Variants in MAX observed in about 807,000 individuals in gnomAD.
MAX encodes MYC associated transcriptional regulator X.
Under a neutral mutation model 22.3 loss-of-function variants are expected in MAX, and 3 were observed. The observed-to-expected ratio is 0.13, with a 90% CI of 0.06 to 0.35. The LOEUF (loss-of-function observed/expected upper bound fraction) is 0.35, where lower values mean the gene tolerates loss of function less well. Ranked by LOEUF, MAX falls within the 10% of genes least tolerant of loss-of-function variation. The pLI, the probability that MAX is intolerant of heterozygous loss-of-function variation, is 1.00. For synonymous variants in MAX, 72 were observed against 77.7 expected (o/e 0.93, Z 0.39); for missense variants, 119 against 209.4 (o/e 0.57, Z 2.66).
In MAX at chr14:65,062,258, CCTTAA is replaced by C. The variant is rs1312660021; in HGVS notation, c.171+31445_171+31449del. 4 of 152,408 alleles carry C rather than the reference CCTTAA, an allele frequency of 2.6e-5. No homozygotes were observed. In the South Asian group the frequency reaches 6.2e-4, roughly 24 times the overall value. 9.4% of individuals were successfully genotyped at this position (152,408 alleles called of 1,614,324 possible). A position where few individuals can be genotyped will look rare whatever the true frequency, so the allele number is the denominator to read the frequency against. On this transcript the variant is annotated intron_variant, in intron 3 of 3. Transcript: ENST00000341653. This position sits in a 1 kb window ranked among gnomAD's most constrained non-coding sequence, Gnocchi z 4.3. ...AGTATTAACACTACTAAGTCTTTCA[CCTTAA>C]CTTATGACTCAGGATTTATTCACGT...
At position 65,027,506 on chromosome 14, in the gene MAX, G is replaced by T; in HGVS notation, c.172-21222C>A. The stretch of plus-strand genomic sequence containing the variant: ...AGCCCAGAAGGTGGCTTTGGAGGAG[G>T]ACCCGGTCAGTATCCACACCTTGCA... On this transcript the variant is annotated intron_variant, in intron 3 of 3. Transcript: ENST00000341653. This position sits in a 1 kb window ranked among gnomAD's most constrained non-coding sequence, Gnocchi z 5.7. 6.2e-7 allele frequency: 1 copy of T among 1,614,178 alleles called. No homozygotes were observed. Among genetic ancestry groups the T allele is most frequent in the Non-Finnish European group, 8.5e-7 (1 of 1,180,036 alleles).
chr14:65,102,612 T>C (rs2063885018), upstream of MAX: 2 of 1,320,882 alleles, frequency 1.5e-6, no homozygotes, highest in Non-Finnish European at 1.9e-6. Flanking sequence ...GTAGTTCTTG[T>C]CCCTCTAACA....
chr14:65,038,809 T>G (rs74860918), intron 3 of MAX, among the ~76,000 whole-genome samples: 1 of 152,210 alleles, frequency 6.6e-6, no homozygotes, highest in Non-Finnish European at 1.5e-5. Flanking sequence ...ATTCTCTTAG[T>G]ATTTATCTTC....
rs2062687510 is a variant in MAX at position 65,054,608 on chromosome 14, G to A, written c.171+39100C>T. ...ATTTCTACCACACCTGCTACTGCCT[G>A]AGCGGCCTGTCCATAGCCCAGCACT... On this transcript the variant is annotated intron_variant, in intron 3 of 3. Coordinates refer to the MAX transcript ENST00000341653. The surrounding 1 kb of genome is among the most constrained non-coding windows in gnomAD (Gnocchi z 4.4). 2 of 1,613,810 alleles carry A rather than the reference G, an allele frequency of 1.2e-6. No homozygotes were observed. Among genetic ancestry groups the A allele is most frequent in the South Asian group, 1.1e-5 (1 of 90,958 alleles).
chr14:65,037,354 C>T (rs1289980307), intron 3 of MAX, among the ~76,000 whole-genome samples: 11 of 138,782 alleles, frequency 7.9e-5, no homozygotes, highest in East Asian at 2.2e-4. Context: ...TCGCCTGCCT[C>T]GGCCTCCCAA....
Position 65,084,126 on chromosome 14 carries a change from C to T in MAX, c.172-6090G>A. ...GGCAGAGCTATCAGCCCTCAAGCAG[C>T]TTAATTAAAGCCAGGAGTAAGACAT... On this transcript the variant is annotated intron_variant, in intron 3 of 4. Transcript: ENST00000358664. The surrounding 1 kb of genome is among the most constrained non-coding windows in gnomAD (Gnocchi z 4.3). 2 of 1,608,298 alleles carry T rather than the reference C, an allele frequency of 1.2e-6. No homozygotes were observed. Among genetic ancestry groups the T allele is most frequent in the South Asian group, 1.1e-5 (1 of 90,630 alleles).
chr14:65,101,387 C>A (rs2063826871), intron 2 of MAX, among the ~76,000 whole-genome samples, 159 bp downstream of exon 2: 1 of 151,980 alleles, frequency 6.6e-6, no homozygotes, highest in Non-Finnish European at 1.5e-5. Flanking sequence ...GATTTGCAAC[C>A]CCCCCACCCT....
chr14:65,071,145 CA>C (rs144245221), downstream of MAX, among the ~76,000 whole-genome samples: 3,259 of 151,950 alleles, frequency 0.021, 103 homozygotes, highest in African/African-American at 0.074. The surrounding 1 kb of genome is among the most constrained non-coding windows in gnomAD (Gnocchi z 4.2). Context: ...ATTCACTCCA[CA>C]TTTTTTTTTT....
chr14:65,070,630 C>T (rs574959511), downstream of MAX, among the ~76,000 whole-genome samples: 2 of 152,326 alleles, frequency 1.3e-5, no homozygotes, highest in South Asian at 2.1e-4. This position sits in a 1 kb window ranked among gnomAD's most constrained non-coding sequence, Gnocchi z 4.4. Context: ...GTTGTGTGTG[C>T]GAGCGTGCAC....
chr14:65,015,928 C>G (rs2061765361), intron 3 of MAX, among the ~76,000 whole-genome samples: 1 of 152,186 alleles, frequency 6.6e-6, no homozygotes, highest in Non-Finnish European at 1.5e-5. Flanking sequence ...TTTGAACTTC[C>G]AAGAGAAGGA....
chr14:65,077,890 G>A lies in MAX; in HGVS notation c.295+23C>T. On this transcript the variant is annotated intron_variant, in intron 4 of 4. Coordinates refer to ENST00000358664, the MANE Select transcript of MAX (RefSeq NM_002382.5). This position sits in a 1 kb window ranked among gnomAD's most constrained non-coding sequence, Gnocchi z 6.3. The stretch of plus-strand genomic sequence containing the variant: ...TGGCTGGAGCACAGCAGGGCCAGCT[G>A]CCCCACGAGCTCGGGTGCTCACCTT... The A allele has an allele frequency of 2.5e-6, 4 of 1,614,226 alleles. No homozygotes were observed. Among genetic ancestry groups the A allele is most frequent in the Non-Finnish European group, 3.4e-6 (4 of 1,180,032 alleles).
rs760147253 is a variant in MAX, at chr14:65,076,534, G to C, written c.425C>G (p.Ser142Trp). ...TTGGGGCTCTTCAGGCTCAGACTCC[G>C]AGCTGGAGTCCGAGCCCCCATCGAA... is the stretch of plus-strand genomic sequence containing the variant. ...SAFDGGSDSS[S>W]ESEPEEPQSR... The change falls in exon 5 of 5, where the codon TCG becomes TGG. Residue 142 changes from serine (S) to tryptophan (W), a missense_variant. Ser to Trp is a radical substitution (Grantham distance 177). Coordinates refer to ENST00000358664, the MANE Select transcript of MAX (RefSeq NM_002382.5). This position sits in a 1 kb window ranked among gnomAD's most constrained non-coding sequence, Gnocchi z 6.6. 1 of 1,614,004 alleles carries C rather than the reference G, an allele frequency of 6.2e-7. No homozygotes were observed. Among genetic ancestry groups the C allele is most frequent in the South Asian group, 1.1e-5 (1 of 91,062 alleles).
rs2063585535 is a variant in MAX, at chr14:65,093,920, G to T, written c.64-105C>A. 2.6e-6 allele frequency: 2 copies of T among 767,922 alleles called. No individual in the cohort carries two copies. The highest frequency in any genetic ancestry group is 4.8e-6 in the Non-Finnish European group (2 of 419,132). 47.6% of individuals were successfully genotyped at this position (767,922 alleles called of 1,614,324 possible). ...GTACACGCTGTCAGCACTGTCCCTGGCGAGTGGACTGGGAAGGATTTCTCG... is the reference window on the plus strand; with the variant it reads ...GTACACGCTGTCAGCACTGTCCCTGTCGAGTGGACTGGGAAGGATTTCTCG... On this transcript the variant is annotated intron_variant, in intron 2 of 4. Coordinates refer to ENST00000358664, the MANE Select transcript of MAX (RefSeq NM_002382.5). The surrounding 1 kb of genome is among the most constrained non-coding windows in gnomAD (Gnocchi z 4.4).
downstream of MAX, among the ~76,000 whole-genome samples, chr14:65,074,626 G>A (rs1258799611): frequency 2.0e-5 from 3 of 152,230 alleles, no homozygotes; most frequent in East Asian, 5.8e-4. Context: ...AACAAGTTCA[G>A]GCTGGTGTTG....
In MAX at chr14:65,027,265, A is replaced by C; in HGVS notation, c.172-20981T>G. On this transcript the variant is annotated intron_variant, in intron 3 of 3. Coordinates refer to the MAX transcript ENST00000341653. The surrounding 1 kb of genome is among the most constrained non-coding windows in gnomAD (Gnocchi z 5.7). ...CGAAACTCAGAGGAGGGCAGACAGA[A>C]ATGATGATAGCTGGAGAGAGAATTA... The C allele has an allele frequency of 1.1e-6, 1 of 886,986 alleles. No individual in the cohort carries two copies. Among genetic ancestry groups the C allele is most frequent in the Non-Finnish European group, 1.7e-6 (1 of 596,650 alleles). 54.9% of individuals were successfully genotyped at this position (886,986 alleles called of 1,614,324 possible).
At chr14:65,061,524 C>A in intron 3 of MAX, 1 of 777,354 alleles carries the variant, frequency 1.3e-6, no homozygotes, top group Non-Finnish European at 1.9e-6. Context: ...CCTGTCAAAC[C>A]AAAAATCTAT....
chr14:65,025,260 G>A (rs1363423935), intron 3 of MAX, among the ~76,000 whole-genome samples: 2 of 152,110 alleles, frequency 1.3e-5, no homozygotes, highest in African/African-American at 2.4e-5. Context: ...TGTTGCGTTC[G>A]GCACGATTCT....
rs991320542 is a variant in MAX at position 65,079,819 on chromosome 14, C to A, written c.172-1783G>T. Among the ~76,000 whole-genome samples the A allele has an allele frequency of 6.6e-6, 1 of 152,234 alleles. No homozygotes were observed. The highest frequency in any genetic ancestry group is 2.4e-5 in the African/African-American group (1 of 41,460). On this transcript the variant is annotated intron_variant, in intron 3 of 4. Coordinates refer to ENST00000358664, the MANE Select transcript of MAX (RefSeq NM_002382.5). This position sits in a 1 kb window ranked among gnomAD's most constrained non-coding sequence, Gnocchi z 4.5. ...AAGGTTTGTAAGGCCCGTGCTTATT[C>A]ATAAGTCCTCACAAGTACTAGAATT...
At position 65,030,925 on chromosome 14, in the gene MAX, G is replaced by A. The variant is rs529281085; in HGVS notation, c.172-24641C>T. On this transcript the variant is annotated intron_variant, in intron 3 of 3. Coordinates refer to the MAX transcript ENST00000341653. This position sits in a 1 kb window ranked among gnomAD's most constrained non-coding sequence, Gnocchi z 4.5. ...GGGGTTCAAACGATTCTCCTGCCTC[G>A]GTCTCCCAAGTAGCTGGGATTACAG... is the stretch of plus-strand genomic sequence containing the variant. 2.0e-5 allele frequency among the ~76,000 whole-genome samples: 3 copies of A among 151,628 alleles called. No individual in the cohort carries two copies. Among genetic ancestry groups the A allele is most frequent in the Admixed American group, 6.6e-5 (1 of 15,232 alleles).
Sources: gnomAD v4.1 joint callset for allele counts (sites outside exome capture counted in the v4.1 genomes callset) on GRCh38, gnomAD v4.1.1 for gene constraint, Gnocchi (gnomAD v3.1) non-coding constraint, MANE v1.5 for transcripts, NCBI Gene and HGNC (gene_info 2026-07-23, HGNC 2026-07-21) for gene names.